PSMG2: variants seen among roughly 807,000 people sequenced by gnomAD.
PSMG2 encodes CD40 ligand-activated specific transcript 3.
A neutral mutation model predicts 31.5 loss-of-function variants in PSMG2; 21 were observed. That is an observed-to-expected ratio of 0.67 (90% confidence interval 0.47 to 0.96). PSMG2 has a LOEUF of 0.96. PSMG2 is among the 40% of genes least tolerant of loss of function. The pLI, the probability that PSMG2 is intolerant of heterozygous loss-of-function variation, is 0.00. For synonymous variants in PSMG2, 120 were observed against 110.4 expected, an observed-to-expected ratio of 1.09 and a Z score of -0.54; for missense variants, 318 against 321.2, an observed-to-expected ratio of 0.99 and a Z score of 0.08.
At chr18:12,678,189 A>G (rs937966871) in intron 1 of PSMG2, 2 of 1,614,190 alleles carry the variant, frequency 1.2e-6, no homozygotes, top group Middle Eastern at 1.7e-4. Flanking sequence ...GTGGATGCAC[A>G]CAGAGGTGGA....
At chr18:12,669,733 G>GC (rs1381988882) in intron 1 of PSMG2, among the ~76,000 whole-genome samples, 2 of 152,088 alleles carry the variant, frequency 1.3e-5, no homozygotes, top group Non-Finnish European at 2.9e-5. Context: ...AGGCATGGTG[G>GC]CTCACGCCTG....
At chr18:12,675,813 C>T (rs1225446014) in intron 1 of PSMG2, among the ~76,000 whole-genome samples, 1 of 152,000 alleles carries the variant, frequency 6.6e-6, no homozygotes, top group African/African-American at 2.4e-5. Context: ...GGACTACAGA[C>T]ACCTGCCACC....
intron 1 of PSMG2, chr18:12,695,227 A>T: frequency 9.4e-7 from 1 of 1,067,994 alleles, no homozygotes; most frequent in African/African-American, 1.6e-5. Flanking sequence ...CAAACACACA[A>T]AAAAAGAGAA....
chr18:12,699,226 T>A, upstream of PSMG2: 1 of 1,461,888 alleles, frequency 6.8e-7, no homozygotes, highest in Non-Finnish European at 9.5e-7. Flanking sequence ...GCAATATATA[T>A]GAGGAAACTG....
At chr18:12,664,536 C>T (rs1052881613) in intron 1 of PSMG2, among the ~76,000 whole-genome samples, 5 of 151,372 alleles carry the variant, frequency 3.3e-5, no homozygotes, top group Admixed American at 6.6e-5. Flanking sequence ...GGTGACAGAG[C>T]GAGACTCCGT....
rs1366269932 is a variant in PSMG2, at chr18:12,678,551, C to T, written c.-37+19778C>T. ...AGGCCATAACTACTTCTCAGAACTA[C>T]AGTTTAATACTTGTTTTTCTTTTTT... On this transcript the variant is annotated intron_variant, in intron 1 of 6. Coordinates refer to the PSMG2 transcript ENST00000585331. 7.6e-6 allele frequency: 5 copies of T among 655,786 alleles called. No homozygotes were observed. In the Admixed American group the frequency reaches 1.5e-4, roughly 20 times the overall value. The allele number at this position is 655,786 out of a possible 1,614,324, so 40.6% of individuals were successfully genotyped here. A position where few individuals can be genotyped will look rare whatever the true frequency, so the allele number is the denominator to read the frequency against.
intron 1 of PSMG2, chr18:12,674,520 G>C (rs200658571): frequency 6.3e-7 from 1 of 1,594,192 alleles, no homozygotes; most frequent in East Asian, 2.2e-5. Flanking sequence ...AAATGATTCC[G>C]TAAATTACAC....
At chr18:12,674,377 G>C (rs986411038) in intron 1 of PSMG2, among the ~76,000 whole-genome samples, 1 of 150,810 alleles carries the variant, frequency 6.6e-6, no homozygotes, top group African/African-American at 2.4e-5. Flanking sequence ...AGGAGGTCAA[G>C]GCTACAGTGA....
At chr18:12,678,087 C>T (rs1202747613) in intron 1 of PSMG2, 4 of 1,569,070 alleles carry the variant, frequency 2.5e-6, no homozygotes, top group Non-Finnish European at 3.5e-6. Flanking sequence ...TATGAAACTA[C>T]AACTATTTCA....
At chr18:12,711,562 C>T (rs149921204) in intron 2 of PSMG2, among the ~76,000 whole-genome samples, 1 of 152,108 alleles carries the variant, frequency 6.6e-6, no homozygotes, top group East Asian at 1.9e-4. Flanking sequence ...GCATACCCCC[C>T]AGTCACACCA....
At chr18:12,675,738 G>A (rs1333074791) in intron 1 of PSMG2, among the ~76,000 whole-genome samples, 3 of 151,720 alleles carry the variant, frequency 2.0e-5, no homozygotes, top group Admixed American at 1.3e-4. Flanking sequence ...GCGCGATCTC[G>A]GCTCACTGCA....
intron 1 of PSMG2, chr18:12,695,164 T>C: frequency 2.0e-6 from 1 of 497,366 alleles, no homozygotes; most frequent in Non-Finnish European, 3.5e-6. Context: ...ATGGTAATTT[T>C]CTAAAAATAG....
At chr18:12,692,910 A>G (rs1215177546) in intron 1 of PSMG2, among the ~76,000 whole-genome samples, 4 of 152,162 alleles carry the variant, frequency 2.6e-5, no homozygotes, top group Non-Finnish European at 5.9e-5. Flanking sequence ...GTAGCCTCGA[A>G]TTCCTGGGCT....
intron 1 of PSMG2, among the ~76,000 whole-genome samples, chr18:12,689,693 T>A (rs2039676378): frequency 6.6e-6 from 1 of 152,062 alleles, no homozygotes; most frequent in Non-Finnish European, 1.5e-5. Flanking sequence ...CCATCCTGAG[T>A]CCTCTCTAGT....
intron 4 of PSMG2, 31 bp downstream of exon 4, chr18:12,718,666 G>A: frequency 6.7e-7 from 1 of 1,500,110 alleles, no homozygotes; most frequent in Non-Finnish European, 9.2e-7. Context: ...AGTTATTTTT[G>A]GTATGGTTTA....
chr18:12,694,170 GAC>G (rs1264651978), intron 1 of PSMG2, among the ~76,000 whole-genome samples: 8 of 152,170 alleles, frequency 5.3e-5, no homozygotes, highest in African/African-American at 1.9e-4. Flanking sequence ...TACCACCCAT[GAC>G]ACATGTCAGA....
At chr18:12,697,821 A>ACCT in intron 1 of PSMG2, among the ~76,000 whole-genome samples, 1 of 152,176 alleles carries the variant, frequency 6.6e-6, no homozygotes, top group Admixed American at 6.5e-5. Flanking sequence ...AAAATACAGC[A>ACCT]CATCGAATCT....
At chr18:12,659,420 C>T (rs1567999908) in intron 1 of PSMG2, among the ~76,000 whole-genome samples, 1 of 152,160 alleles carries the variant, frequency 6.6e-6, no homozygotes, top group Non-Finnish European at 1.5e-5. Flanking sequence ...GTAATCCCAG[C>T]ACTTTGGGAG....
At chr18:12,662,443 C>T (rs1347534301) in intron 1 of PSMG2, among the ~76,000 whole-genome samples, 1 of 152,316 alleles carries the variant, frequency 6.6e-6, no homozygotes, top group Non-Finnish European at 1.5e-5. Context: ...GCTCTTTCTC[C>T]TACATTACAA....
Sources: allele counts gnomAD v4.1 joint callset (sites outside exome capture counted in the v4.1 genomes callset), GRCh38; gene constraint gnomAD v4.1.1; transcripts MANE v1.5; gene names NCBI Gene and HGNC (gene_info 2026-07-23, HGNC 2026-07-21).